CNKSR2: variants seen among roughly 807,000 people sequenced by gnomAD.
CNKSR2 encodes the protein connector enhancer of kinase suppressor of Ras 2.
Under a neutral mutation model 84.4 loss-of-function variants are expected in CNKSR2, and 14 were observed. That is an observed-to-expected ratio of 0.17 (90% confidence interval 0.11 to 0.26). The LOEUF (loss-of-function observed/expected upper bound fraction) is 0.26. CNKSR2 is among the 10% of genes least tolerant of loss of function. CNKSR2 has a pLI of 1.00. For synonymous variants in CNKSR2, 275 were observed against 277.9 expected, an observed-to-expected ratio of 0.99 and a Z score of 0.10; for missense variants, 485 against 771.2, an observed-to-expected ratio of 0.63 and a Z score of 4.40.
chrX:21,529,720 A>G (rs1383212075), intron 10 of CNKSR2, among the ~76,000 whole-genome samples: 6 of 110,777 alleles, frequency 5.4e-5, no homozygotes, highest in Non-Finnish European at 7.6e-5. Flanking sequence ...TTACATACAC[A>G]ATACATGTAT....
At chrX:21,413,620 A>C (rs1292841524) in intron 1 of CNKSR2, among the ~76,000 whole-genome samples, 1 of 110,476 alleles carries the variant, frequency 9.1e-6, no homozygotes, top group Non-Finnish European at 1.9e-5. Flanking sequence ...TCACCTCCCC[A>C]CACCACTAGC....
chrX:21,564,359 A>G (rs2092219856), intron 13 of CNKSR2, among the ~76,000 whole-genome samples: 1 of 112,000 alleles, frequency 8.9e-6, no homozygotes, highest in Admixed American at 9.5e-5. Flanking sequence ...GATCAGAAGC[A>G]GGGCTATTAA....
chrX:21,558,263 T>C (rs2092156693), intron 11 of CNKSR2, among the ~76,000 whole-genome samples: 1 of 111,640 alleles, frequency 9.0e-6, no homozygotes, highest in Non-Finnish European at 1.9e-5. Context: ...GAATGTTACC[T>C]TATGTTATTG....
chrX:21,584,542 CAG>C (rs2092373373), intron 13 of CNKSR2, among the ~76,000 whole-genome samples: 1 of 112,190 alleles, frequency 8.9e-6, no homozygotes, highest in South Asian at 3.7e-4. Context: ...GGAAAAAGAA[CAG>C]AAAGTATTGA....
intron 4 of CNKSR2, among the ~76,000 whole-genome samples, chrX:21,453,459 G>A (rs1022074897): frequency 8.1e-5 from 9 of 111,315 alleles, no homozygotes; most frequent in African/African-American, 2.9e-4. Context: ...CTCCTTGATG[G>A]CTTGCTCATT....
chrX:21,523,340 A>G (rs773534442), intron 9 of CNKSR2, among the ~76,000 whole-genome samples: 103 of 111,395 alleles, frequency 9.2e-4, no homozygotes, highest in Non-Finnish European at 1.1e-3. Flanking sequence ...ACAAGATGTA[A>G]TCCTAAAGCA....
intron 13 of CNKSR2, among the ~76,000 whole-genome samples, chrX:21,565,434 T>C (rs1190874745): frequency 1.8e-5 from 2 of 111,866 alleles, no homozygotes; most frequent in African/African-American, 3.2e-5. Flanking sequence ...GTTATGTATA[T>C]CAAGAATCTG....
intron 4 of CNKSR2, among the ~76,000 whole-genome samples, chrX:21,466,792 C>T (rs1171664064): frequency 9.0e-6 from 1 of 111,095 alleles, no homozygotes; most frequent in Non-Finnish European, 1.9e-5. Context: ...ACCATGTTGG[C>T]CAGGCTGGTC....
At chrX:21,455,547 A>G (rs375678398) in intron 4 of CNKSR2, among the ~76,000 whole-genome samples, 2 of 112,050 alleles carry the variant, frequency 1.8e-5, no homozygotes, top group East Asian at 5.6e-4. Context: ...GATTGAATGA[A>G]AGCAAGTCAG....
At chrX:21,635,903 G>A (rs773475618) in intron 20 of CNKSR2, among the ~76,000 whole-genome samples, 31 of 110,978 alleles carry the variant, frequency 2.8e-4, no homozygotes, top group Non-Finnish European at 4.7e-4. Context: ...ATTAAATAGC[G>A]TGGGTCATAG....
chrX:21,575,449 T>A (rs2092313209), intron 13 of CNKSR2, among the ~76,000 whole-genome samples: 1 of 111,605 alleles, frequency 9.0e-6, no homozygotes, highest in South Asian at 3.8e-4. Context: ...AATTACTCTT[T>A]GAAGATTTAA....
chrX:21,394,098 TTTAAAATGGAGATAA>T (rs2090088230), intron 1 of CNKSR2, among the ~76,000 whole-genome samples: 1 of 112,120 alleles, frequency 8.9e-6, no homozygotes, highest in Non-Finnish European at 1.9e-5. Flanking sequence ...AACCCTTTAT[TTTAAAATGGAGATAA>T]TTAAAATGTG....
intron 11 of CNKSR2, among the ~76,000 whole-genome samples, chrX:21,548,664 A>C (rs936761163): frequency 3.6e-5 from 4 of 112,079 alleles, no homozygotes; most frequent in Non-Finnish European, 5.6e-5. Flanking sequence ...TCTATGTGAA[A>C]ATCCTCAATA....
At chrX:21,574,748 C>T (rs775995770) in intron 13 of CNKSR2, among the ~76,000 whole-genome samples, 1 of 111,752 alleles carries the variant, frequency 8.9e-6, no homozygotes, top group East Asian at 2.8e-4. Context: ...CCTGACAGTG[C>T]AATCATGTTC....
At chrX:21,468,921 G>A (rs758108179) in intron 4 of CNKSR2, among the ~76,000 whole-genome samples, 1 of 111,846 alleles carries the variant, frequency 8.9e-6, no homozygotes, top group East Asian at 2.8e-4. Context: ...GATTCTGCAT[G>A]ACAATAATAA....
chrX:21,629,345 A>G, intron 20 of CNKSR2, among the ~76,000 whole-genome samples: 1 of 112,418 alleles, frequency 8.9e-6, no homozygotes, highest in South Asian at 3.7e-4. Context: ...AAAGTCACTT[A>G]CACATTTTCA....
chrX:21,454,048 A>C (rs1051722161), intron 4 of CNKSR2, among the ~76,000 whole-genome samples: 2 of 111,712 alleles, frequency 1.8e-5, no homozygotes, highest in Non-Finnish European at 3.8e-5. Context: ...GCCTTTCCAC[A>C]TATTTGTTTT....
intron 4 of CNKSR2, among the ~76,000 whole-genome samples, chrX:21,469,466 C>CT (rs1036858701): frequency 1.8e-5 from 2 of 110,846 alleles, no homozygotes; most frequent in Non-Finnish European, 3.8e-5. Flanking sequence ...AACAACATTC[C>CT]TTTTTTGTTA....
Position 21,648,170 on chromosome X carries a change from T to A in CNKSR2, c.2693-661T>A, listed in dbSNP as rs777210611. 1.2e-4 allele frequency among the ~76,000 whole-genome samples: 13 copies of A among 111,860 alleles called. No homozygotes were observed. In the Admixed American group the frequency reaches 1.2e-3, roughly 11 times the overall value. On this transcript the variant is annotated intron_variant, in intron 20 of 21. Coordinates refer to ENST00000379510, the MANE Select transcript of CNKSR2 (RefSeq NM_014927.5). ...TTGCATATAAACATATTCCCATGTT[T>A]CATTTTAATTAAAATATTGATAATT...
Sources: allele counts gnomAD v4.1 joint callset (sites outside exome capture counted in the v4.1 genomes callset), GRCh38; gene constraint gnomAD v4.1.1; transcripts MANE v1.5; gene names NCBI Gene and HGNC (gene_info 2026-07-23, HGNC 2026-07-21).